The following CFAP47 variants were observed in gnomAD, a reference collection of about 807,000 sequenced individuals.
CFAP47 encodes the protein cilia and flagella associated protein 47.
CFAP47 carries 29 observed loss-of-function variants against 148.1 expected under a neutral mutation model. The ratio of observed to expected loss-of-function variants is 0.20; its 90% confidence interval spans 0.15 to 0.27. The LOEUF is 0.27. Ranked by LOEUF, CFAP47 falls within the 10% of genes least tolerant of loss-of-function variation. The pLI, the probability that CFAP47 is intolerant of heterozygous loss-of-function variation, is 1.00. For synonymous variants in CFAP47, 664 were observed against 577.3 expected (o/e 1.15, Z -2.15); for missense variants, 1,872 against 1,697.5 (o/e 1.10, Z -1.81).
intron 51 of CFAP47, among the ~76,000 whole-genome samples, chrX:36,298,325 C>T (rs62592464): frequency 0.077 from 7,776 of 100,859 alleles, 421 homozygotes; most frequent in East Asian, 0.24. Context: ...AACCAAACAC[C>T]GCATGTTCTC....
chrX:36,291,038 G>A (rs1301802699), intron 51 of CFAP47, among the ~76,000 whole-genome samples: 3 of 112,087 alleles, frequency 2.7e-5, no homozygotes, highest in Admixed American at 9.5e-5. Context: ...CTTGCATTCA[G>A]GGTATAGCAA....
chrX:36,376,340 C>T (rs1345163104), intron 62 of CFAP47, among the ~76,000 whole-genome samples: 4 of 111,927 alleles, frequency 3.6e-5, no homozygotes, highest in Non-Finnish European at 7.5e-5. Context: ...GAAGCAGCAG[C>T]ACACCACTCA....
At chrX:36,203,916 G>A (rs1940009653) in intron 44 of CFAP47, among the ~76,000 whole-genome samples, 1 of 111,634 alleles carries the variant, frequency 9.0e-6, no homozygotes, top group African/African-American at 3.3e-5. Flanking sequence ...CTGTGGAGAG[G>A]TGGGACCCAG....
intron 15 of CFAP47, among the ~76,000 whole-genome samples, chrX:35,978,580 G>T (rs991330180): frequency 1.8e-5 from 2 of 111,701 alleles, no homozygotes; most frequent in African/African-American, 3.2e-5. Context: ...AATGCCATTA[G>T]TACTTAAGTT....
intron 57 of CFAP47, among the ~76,000 whole-genome samples, chrX:36,325,522 G>A (rs1359493666): frequency 3.6e-5 from 4 of 111,752 alleles, no homozygotes; most frequent in Non-Finnish European, 5.6e-5. Flanking sequence ...TTCCTGGGAA[G>A]AAGACTCTGA....
intron 29 of CFAP47, among the ~76,000 whole-genome samples, chrX:36,075,094 T>C (rs1476665496): frequency 9.0e-6 from 1 of 111,595 alleles, no homozygotes; most frequent in Non-Finnish European, 1.9e-5. Flanking sequence ...ATTATATCGT[T>C]TCAATGTACT....
At chrX:36,329,997 ATTC>A (rs1941551120) in intron 57 of CFAP47, among the ~76,000 whole-genome samples, 1 of 112,480 alleles carries the variant, frequency 8.9e-6, no homozygotes. Flanking sequence ...TAATAATTAT[ATTC>A]TTTATTTTCA....
At chrX:36,103,909 G>A (rs939952919) in intron 32 of CFAP47, among the ~76,000 whole-genome samples, 2 of 111,171 alleles carry the variant, frequency 1.8e-5, no homozygotes, top group African/African-American at 6.5e-5. Flanking sequence ...TCTTAATATC[G>A]CTAAAATTAT....
At chrX:36,130,275 A>G (rs986266765) in intron 33 of CFAP47, among the ~76,000 whole-genome samples, 2 of 111,621 alleles carry the variant, frequency 1.8e-5, no homozygotes, top group Admixed American at 9.5e-5. Context: ...ATTTGAATAG[A>G]TATTTCTCAA....
chrX:35,949,914 C>T (rs1287770868), intron 4 of CFAP47, among the ~76,000 whole-genome samples: 2 of 111,615 alleles, frequency 1.8e-5, no homozygotes, highest in South Asian at 3.8e-4. Flanking sequence ...AATACTCAGC[C>T]TGTATAGGGT....
chrX:36,250,724 T>C (rs1388446587), intron 48 of CFAP47, among the ~76,000 whole-genome samples: 1 of 110,384 alleles, frequency 9.1e-6, no homozygotes, highest in African/African-American at 3.3e-5. Context: ...TTTAAAAGTA[T>C]GCTAAATAAA....
rs73470962 is a variant in CFAP47 at position 36,095,814 on chromosome X, C to G, written c.4917-2979C>G. On this transcript the variant is annotated intron_variant, in intron 30 of 63. Coordinates refer to ENST00000378653, the MANE Select transcript of CFAP47 (RefSeq NM_001304548.2). Reference sequence around the variant, plus strand: ...AACTTTGTTTATCTTGTCAAAAAAGCAACCTTTGTTTTATTGATTTATTTA... The same window carrying G: ...AACTTTGTTTATCTTGTCAAAAAAGGAACCTTTGTTTTATTGATTTATTTA... Among the ~76,000 whole-genome samples the G allele has an allele frequency of 9.7e-3, 1,084 of 111,488 alleles. 8 individuals are homozygous for G. Among genetic ancestry groups the G allele is most frequent in the African/African-American group, 0.033 (1,024 of 30,841 alleles).
rs774126689 is a variant in CFAP47 at position 35,951,974 on chromosome X, A to C, written c.1046+11A>C. The C allele has an allele frequency of 3.6e-5, 41 of 1,145,025 alleles. No homozygotes were observed. Among genetic ancestry groups the C allele is most frequent in the Non-Finnish European group, 4.6e-5 (40 of 869,457 alleles). 94.4% of individuals were successfully genotyped at this position (1,145,025 alleles called of 1,213,427 possible). ...TTGTTTCACCCCAAAGTAAGCAAAA[A>C]TTAATTTCATTGTAATGTTAAATAT... On this transcript the variant is annotated intron_variant, in intron 6 of 63. Transcript: ENST00000378653.
At chrX:36,083,816 A>G (rs1007709752) in intron 29 of CFAP47, among the ~76,000 whole-genome samples, 7 of 111,489 alleles carry the variant, frequency 6.3e-5, no homozygotes, top group African/African-American at 2.3e-4. Flanking sequence ...GTTAAACTAT[A>G]TATAGGCAAC....
intron 42 of CFAP47, among the ~76,000 whole-genome samples, chrX:36,197,884 A>G (rs192465539): frequency 4.0e-4 from 45 of 111,810 alleles, no homozygotes; most frequent in African/African-American, 1.4e-3. Flanking sequence ...TGAATTATAA[A>G]CAAATCCTAA....
intron 45 of CFAP47, among the ~76,000 whole-genome samples, chrX:36,214,199 C>G (rs1353215709): frequency 2.7e-5 from 3 of 111,893 alleles, no homozygotes; most frequent in African/African-American, 9.8e-5. Context: ...AATTGTAACA[C>G]ACTGCTAAGT....
chrX:36,112,534 T>C (rs764860020), intron 33 of CFAP47, among the ~76,000 whole-genome samples: 8 of 111,750 alleles, frequency 7.2e-5, no homozygotes, highest in Non-Finnish European at 1.5e-4. Flanking sequence ...TGTGATCGAT[T>C]TTAGAGTATG....
chrX:36,084,514 C>A (rs1367555232), intron 29 of CFAP47, among the ~76,000 whole-genome samples: 1 of 111,462 alleles, frequency 9.0e-6, no homozygotes, highest in Non-Finnish European at 1.9e-5. Context: ...TCCTATCTAC[C>A]AAAGTGGGTA....
chrX:36,169,669 A>G (rs1939541271), intron 39 of CFAP47, among the ~76,000 whole-genome samples: 1 of 111,243 alleles, frequency 9.0e-6, no homozygotes, highest in African/African-American at 3.3e-5. Flanking sequence ...GTGACACATC[A>G]TTGTATCTCA....
Sources: allele counts gnomAD v4.1 joint callset (sites outside exome capture counted in the v4.1 genomes callset), GRCh38; gene constraint gnomAD v4.1.1; transcripts MANE v1.5; gene names NCBI Gene and HGNC (gene_info 2026-07-23, HGNC 2026-07-21).